Variants in TCF12 observed in about 807,000 individuals in gnomAD.
TCF12 encodes the protein transcription factor 12, also known as DNA-binding protein HTF4.
Under a neutral mutation model 86.0 loss-of-function variants are expected in TCF12, and 45 were observed. The ratio of observed to expected loss-of-function variants is 0.52; its 90% CI spans 0.41 to 0.67. The LOEUF is 0.67. TCF12 is among the 30% of genes least tolerant of loss of function. The probability of loss-of-function intolerance (pLI) is 0.00; values close to 1 mark genes in which losing one functional copy is unlikely to be tolerated. For synonymous variants in TCF12, 330 were observed against 299.6 expected, an observed-to-expected ratio of 1.10 and a Z score of -1.05; for missense variants, 881 against 859.9, an observed-to-expected ratio of 1.02 and a Z score of -0.31.
intron 5 of TCF12, among the ~76,000 whole-genome samples, chr15:57,160,225 A>G (rs1223303129): frequency 1.3e-5 from 2 of 152,244 alleles, no homozygotes; most frequent in African/African-American, 4.8e-5. Context: ...CTCACAGTTC[A>G]GCATGGCTGG....
chr15:57,136,220 T>TG (rs1402225746), intron 5 of TCF12, among the ~76,000 whole-genome samples: 10 of 152,182 alleles, frequency 6.6e-5, no homozygotes, highest in African/African-American at 2.4e-4. Context: ...CACTAAAAAT[T>TG]GCTGACATCT....
At chr15:57,164,372 T>G (rs1344153133) in intron 5 of TCF12, among the ~76,000 whole-genome samples, 4 of 152,132 alleles carry the variant, frequency 2.6e-5, no homozygotes, top group Non-Finnish European at 5.9e-5. Context: ...TCAACATGGC[T>G]GGGGAGACCT....
intron 3 of TCF12, among the ~76,000 whole-genome samples, chr15:57,052,588 G>A (rs1456037054): frequency 1.3e-5 from 2 of 148,984 alleles, no homozygotes; most frequent in Admixed American, 6.7e-5. Context: ...AGTGAGCCGA[G>A]ATTGCACCAT....
intron 8 of TCF12, among the ~76,000 whole-genome samples, chr15:57,209,188 C>T (rs1208715220): frequency 6.6e-6 from 1 of 152,186 alleles, no homozygotes; most frequent in African/African-American, 2.4e-5. Flanking sequence ...TACTTTTTAA[C>T]TTACTTCTCT....
At chr15:57,077,319 G>GTA (rs201019325) in intron 4 of TCF12, among the ~76,000 whole-genome samples, 6 of 37,988 alleles carry the variant, frequency 1.6e-4, no homozygotes, top group East Asian at 8.3e-4. Context: ...CCATATATAT[G>GTA]TATATATATG....
intron 4 of TCF12, among the ~76,000 whole-genome samples, chr15:57,077,748 A>T (rs1567376443): frequency 1.3e-5 from 2 of 151,204 alleles, no homozygotes; most frequent in African/African-American, 4.8e-5. Context: ...TAGTTTTTTA[A>T]AAAAAAAAAA....
In TCF12 at chr15:57,288,810, G is replaced by A. The variant is rs1324267641; in HGVS notation, c.*2665G>A. 1 of 152,114 alleles carries A rather than the reference G, an allele frequency of 6.6e-6. No homozygotes were observed. Among genetic ancestry groups the A allele is most frequent in the East Asian group, 1.9e-4 (1 of 5,194 alleles). The allele number at this position is 152,114 out of a possible 1,614,324, so 9.4% of individuals were successfully genotyped here. A position where few individuals can be genotyped will look rare whatever the true frequency, so the allele number is the denominator to read the frequency against. ...GTAGTTATAGAAAATCTACTCATTT[G>A]TAGATACAGAGAAAAATGAAGAAGA... On this transcript the variant is annotated 3_prime_UTR_variant, in exon 21 of 21. Transcript: ENST00000333725.
chr15:57,188,379 T>G (rs1289263221), intron 6 of TCF12, among the ~76,000 whole-genome samples: 2 of 152,170 alleles, frequency 1.3e-5, no homozygotes, highest in African/African-American at 4.8e-5. Flanking sequence ...ACACTTAATA[T>G]TAAGATGTCA....
intron 8 of TCF12, chr15:57,214,180 T>C (rs2151832736): frequency 6.6e-6 from 1 of 152,354 alleles, no homozygotes; most frequent in Non-Finnish European, 1.5e-5. Context: ...CAAAGAAAAC[T>C]GCTTTGTCGT....
intron 3 of TCF12, among the ~76,000 whole-genome samples, chr15:56,979,481 A>C (rs777641079): frequency 2.0e-5 from 3 of 152,222 alleles, no homozygotes; most frequent in Non-Finnish European, 4.4e-5. Flanking sequence ...GATAGTAGAA[A>C]TAGATCCTGA....
intron 18 of TCF12, among the ~76,000 whole-genome samples, chr15:57,269,106 C>G (rs1353556851): frequency 1.3e-5 from 2 of 151,996 alleles, no homozygotes; most frequent in African/African-American, 4.8e-5. Context: ...GTTGATCTGT[C>G]TAATATTGAC....
intron 6 of TCF12, among the ~76,000 whole-genome samples, chr15:57,173,965 C>CAA (rs2055723121): frequency 6.6e-6 from 1 of 152,158 alleles, no homozygotes; most frequent in Non-Finnish European, 1.5e-5. Flanking sequence ...CTCAGCCTCT[C>CAA]AAAGTGCTGG....
intron 19 of TCF12, among the ~76,000 whole-genome samples, chr15:57,279,908 G>C (rs80349068): frequency 4.9e-4 from 21 of 42,434 alleles, no homozygotes; most frequent in East Asian, 4.2e-3. Flanking sequence ...TTTTTTTTTG[G>C]AGACAGAGTT....
intron 8 of TCF12, among the ~76,000 whole-genome samples, chr15:57,203,458 A>G (rs1205239234): frequency 1.3e-5 from 2 of 152,218 alleles, no homozygotes; most frequent in Admixed American, 6.5e-5. Context: ...TCTTTCCAAA[A>G]TGTAAGTAAA....
Position 57,063,813 on chromosome 15 carries a change from A to G in TCF12, c.212A>G (p.Asp71Gly). The G allele has an allele frequency of 6.2e-7, 1 of 1,601,098 alleles. No individual in the cohort carries two copies. Among genetic ancestry groups the G allele is most frequent in the South Asian group, 1.1e-5 (1 of 89,756 alleles). Residue 71 changes from aspartate (D) to glycine (G), a missense_variant, in exon 4 of 21, where the codon GAT (aspartate) becomes GGT (glycine). Coordinates refer to ENST00000333725, the MANE Select transcript of TCF12 (RefSeq NM_207037.2). Reference sequence around the variant, plus strand: ...AGTGGTCAACCAAGTCCTTCCTATGATTCATCTAGAGTAAGTTTGCTGATC... The same window carrying G: ...AGTGGTCAACCAAGTCCTTCCTATGGTTCATCTAGAGTAAGTTTGCTGATC... Reference protein sequence around the residue: ...GTSGQPSPSYDSSRGFTDSPH... With the variant: ...GTSGQPSPSYGSSRGFTDSPH...
chr15:57,014,421 C>CA (rs140363284), intron 3 of TCF12, among the ~76,000 whole-genome samples: 35,414 of 145,202 alleles, frequency 0.24, 5,122 homozygotes, highest in African/African-American at 0.41. Flanking sequence ...AAAATTGACT[C>CA]AAAAAAAAAA....
At chr15:57,095,246 A>G (rs542168748) in intron 5 of TCF12, among the ~76,000 whole-genome samples, 67 of 152,326 alleles carry the variant, frequency 4.4e-4, no homozygotes, top group African/African-American at 1.6e-3. Flanking sequence ...TCCCATGGTC[A>G]TTCAAGGCTA....
intron 16 of TCF12, among the ~76,000 whole-genome samples, chr15:57,253,736 A>C (rs546803923): frequency 8.9e-4 from 136 of 152,366 alleles, no homozygotes; most frequent in African/African-American, 3.2e-3. Flanking sequence ...TAATTGGCAC[A>C]GCAGTTTTTG....
intron 3 of TCF12, among the ~76,000 whole-genome samples, chr15:56,935,126 T>A (rs2060411527): frequency 6.6e-6 from 1 of 152,198 alleles, no homozygotes; most frequent in Non-Finnish European, 1.5e-5. Context: ...TAGCTTATTT[T>A]TCTCTGTAGC....
Sources: gnomAD v4.1 joint callset for allele counts (sites outside exome capture counted in the v4.1 genomes callset) on GRCh38, gnomAD v4.1.1 for gene constraint, MANE v1.5 for transcripts, NCBI Gene and HGNC (gene_info 2026-07-23, HGNC 2026-07-21) for gene names.